The following PCDHA7 variants were observed in gnomAD, a reference collection of about 807,000 sequenced individuals.
The protein encoded by PCDHA7 is protocadherin alpha 7, also known as protocadherin alpha-7.
In PCDHA7, 37 loss-of-function variants were observed where a neutral mutation model predicts 57.2. That is an observed-to-expected ratio of 0.65 (90% confidence interval 0.50 to 0.85). PCDHA7 has a LOEUF of 0.85. Among genes scored for constraint, PCDHA7 ranks in the 40% least tolerant of loss-of-function variants. The pLI is 0.00. For missense variants in PCDHA7, 1,188 were observed against 1,241.8 expected (o/e 0.96, Z 0.65); for synonymous variants, 553 against 558.8 (o/e 0.99, Z 0.15).
intron 1 of PCDHA7, among the ~76,000 whole-genome samples, chr5:140,913,794 T>A: frequency 6.6e-6 from 1 of 152,194 alleles, no homozygotes. Context: ...ATCATTTGTT[T>A]GAATCAAATT....
intron 1 of PCDHA7, among the ~76,000 whole-genome samples, chr5:140,895,035 C>T (rs1235775113): frequency 6.6e-6 from 1 of 152,104 alleles, no homozygotes; most frequent in East Asian, 1.9e-4. Context: ...AATTGTCCCC[C>T]ACCCACACCA....
At chr5:140,895,994 A>G (rs1554186774) in intron 1 of PCDHA7, among the ~76,000 whole-genome samples, 1 of 152,038 alleles carries the variant, frequency 6.6e-6, no homozygotes, top group Non-Finnish European at 1.5e-5. Context: ...TATTTTAAGT[A>G]GAGACAGGGT....
intron 1 of PCDHA7, chr5:140,876,989 G>A (rs781957201): frequency 6.2e-7 from 1 of 1,612,664 alleles, no homozygotes. Context: ...GCACTGTCGA[G>A]CTACGTGTCG....
intron 1 of PCDHA7, among the ~76,000 whole-genome samples, chr5:140,943,863 G>T (rs2093580168): frequency 1.3e-5 from 2 of 152,186 alleles, no homozygotes; most frequent in Admixed American, 1.3e-4. Context: ...TCAAGAAGAG[G>T]TCTCTGAAGT....
intron 3 of PCDHA7, among the ~76,000 whole-genome samples, chr5:140,984,073 G>A (rs1294401230): frequency 4.6e-5 from 7 of 152,222 alleles, no homozygotes; most frequent in Non-Finnish European, 7.3e-5. Context: ...CAGTGCCAAC[G>A]ATGGAGTGAA....
At chr5:140,938,827 C>T (rs905501922) in intron 1 of PCDHA7, among the ~76,000 whole-genome samples, 4 of 151,880 alleles carry the variant, frequency 2.6e-5, no homozygotes, top group Non-Finnish European at 4.4e-5. Context: ...CATGAGTTTG[C>T]GTTATAACAA....
At chr5:140,862,971 A>T (rs1581664688) in intron 1 of PCDHA7, 1 of 544,766 alleles carries the variant, frequency 1.8e-6, no homozygotes, top group Non-Finnish European at 3.6e-6. Context: ...GATGCAGGCC[A>T]CTTGGTGGCG....
intron 3 of PCDHA7, among the ~76,000 whole-genome samples, chr5:140,985,739 CTT>C (rs11372071): frequency 4.2e-4 from 50 of 117,920 alleles, no homozygotes; most frequent in Middle Eastern, 4.8e-3. Context: ...TGATGAATTC[CTT>C]TTTTTTTTTT....
chr5:140,888,945 T>G (rs2062037344), intron 1 of PCDHA7, among the ~76,000 whole-genome samples: 1 of 152,102 alleles, frequency 6.6e-6, no homozygotes, highest in African/African-American at 2.4e-5. Context: ...GAGGTATAAA[T>G]TTTTTCTTTG....
intron 1 of PCDHA7, among the ~76,000 whole-genome samples, chr5:140,880,422 C>T (rs782802267): frequency 6.6e-6 from 1 of 152,252 alleles, no homozygotes; most frequent in Non-Finnish European, 1.5e-5. Flanking sequence ...AAAGCGGGAA[C>T]AGTTTTTCCT....
At chr5:140,968,684 G>A in intron 1 of PCDHA7, 1 of 1,614,140 alleles carries the variant, frequency 6.2e-7, no homozygotes, top group Non-Finnish European at 8.5e-7. Flanking sequence ...GCTGCACACA[G>A]GAGAAATTAG....
rs2150251055 is a variant in PCDHA7, at chr5:140,836,028, G to T, written c.1645G>T (p.Val549Leu). ...GGGCGTGCCGCCTCTGGGCAGCAAC[G>T]TGACGCTGCAGGTGTTCGTGCTGGA... is the stretch of plus-strand genomic sequence containing the variant. ...DAGVPPLGSN[V>L]TLQVFVLDEN... The change falls in exon 1 of 4, where the codon GTG (valine) becomes TTG (leucine). Residue 549 changes from valine (V) to leucine (L), a missense_variant. Val to Leu is a conservative substitution (Grantham distance 32, BLOSUM62 1). Around this residue, in one of 3 missense-constraint regions of PCDHA7, gnomAD observed 892 missense variants for 788.5 expected, o/e 1.13. Coordinates refer to ENST00000525929, the MANE Select transcript of PCDHA7 (RefSeq NM_018910.3). 61 of 1,613,392 alleles carry T rather than the reference G, an allele frequency of 3.8e-5. No individual in the cohort carries two copies. Among genetic ancestry groups the T allele is most frequent in the Non-Finnish European group, 4.9e-5 (58 of 1,179,758 alleles).
intron 1 of PCDHA7, among the ~76,000 whole-genome samples, chr5:140,974,580 T>C (rs2153804250): frequency 6.6e-6 from 1 of 152,286 alleles, no homozygotes; most frequent in South Asian, 2.1e-4. Context: ...GGCATGATCT[T>C]GGCTCACTGC....
chr5:140,913,569 A>G (rs1554195984), intron 1 of PCDHA7, among the ~76,000 whole-genome samples: 1 of 151,952 alleles, frequency 6.6e-6, no homozygotes, highest in Non-Finnish European at 1.5e-5. Flanking sequence ...TATTTTCATC[A>G]TTTCAAATAT....
intron 3 of PCDHA7, among the ~76,000 whole-genome samples, chr5:141,000,552 C>T (rs2097946627): frequency 1.3e-5 from 2 of 149,102 alleles, no homozygotes; most frequent in Admixed American, 1.3e-4. Context: ...CTCAAACTCC[C>T]GAGTAGCTGG....
At chr5:140,975,876 A>G (rs573852863) in intron 1 of PCDHA7, among the ~76,000 whole-genome samples, 1 of 152,230 alleles carries the variant, frequency 6.6e-6, no homozygotes, top group South Asian at 2.1e-4. Context: ...TACCTAATTG[A>G]TTTTTTCCAC....
intron 1 of PCDHA7, chr5:140,927,600 C>T (rs1179735453): frequency 1.9e-6 from 3 of 1,614,042 alleles, no homozygotes; most frequent in African/African-American, 1.3e-5. Flanking sequence ...TTGAGCGCTC[C>T]GTATACCGCA....
chr5:140,847,369 A>G (rs1780982240), intron 1 of PCDHA7: 1 of 149,774 alleles, frequency 6.7e-6, no homozygotes. Context: ...ATACGAAATA[A>G]AAGATAAATA....
In PCDHA7 at chr5:141,003,361, G is replaced by A. The variant is rs2098120892; in HGVS notation, c.2504-6266G>A. Among the ~76,000 whole-genome samples the A allele has an allele frequency of 5.9e-5, 9 of 152,298 alleles. No individual in the cohort carries two copies. The South Asian group carries it at 1.9e-3, about 32-fold the overall frequency. On this transcript the variant is annotated intron_variant, in intron 3 of 3. Coordinates refer to ENST00000525929, the MANE Select transcript of PCDHA7 (RefSeq NM_018910.3). ...TTTGTTTGCTCTGTCACCCAGGCTG[G>A]AGTGCAGTGGTGCAATCTCAGCTCA...
Sources: gnomAD v4.1 joint callset for allele counts (sites outside exome capture counted in the v4.1 genomes callset) on GRCh38, gnomAD v4.1.1 for gene constraint, gnomAD v4.1.1 regional missense constraint, MANE v1.5 for transcripts, NCBI Gene and HGNC (gene_info 2026-07-23, HGNC 2026-07-21) for gene names.